ACSM3: variants seen among roughly 807,000 people sequenced by gnomAD.
ACSM3 encodes acyl-CoA synthetase medium chain family member 3.
ACSM3 carries 61 observed loss-of-function variants against 74.1 expected under a neutral mutation model. The observed-to-expected ratio is 0.82, with a 90% CI of 0.67 to 1.02. The LOEUF is 1.02. Ranked by LOEUF, ACSM3 falls within the 50% of genes least tolerant of loss-of-function variation. ACSM3 has a pLI of 0.00. For missense variants in ACSM3, 660 were observed against 697.0 expected, an observed-to-expected ratio of 0.95 and a Z score of 0.60; for synonymous variants, 213 against 241.5, an observed-to-expected ratio of 0.88 and a Z score of 1.09.
intron 1 of ACSM3, among the ~76,000 whole-genome samples, chr16:20,714,612 G>A (rs1003390612): frequency 6.6e-6 from 1 of 152,108 alleles, no homozygotes; most frequent in Non-Finnish European, 1.5e-5. Flanking sequence ...GAGAATATTG[G>A]ATGTGGAAGA....
intron 1 of ACSM3, among the ~76,000 whole-genome samples, chr16:20,695,465 G>A (rs913948409): frequency 4.6e-5 from 7 of 152,170 alleles, no homozygotes; most frequent in African/African-American, 9.7e-5. Context: ...AACTTTTGGA[G>A]TTAAGGTCTA....
intron 2 of ACSM3, among the ~76,000 whole-genome samples, chr16:20,752,115 G>A (rs935894086): frequency 7.9e-5 from 12 of 152,130 alleles, no homozygotes; most frequent in Non-Finnish European, 1.2e-4. Context: ...GTGTGAACCC[G>A]GGAGGCAGAG....
intron 3 of ACSM3, chr16:20,755,650 T>TATA (rs2152437310): frequency 6.7e-6 from 1 of 150,248 alleles, no homozygotes; most frequent in African/African-American, 2.4e-5. Flanking sequence ...TTATTATTAT[T>TATA]ATACTTTAAG....
chr16:20,677,527 C>T (rs900079485), intron 1 of ACSM3, among the ~76,000 whole-genome samples: 3 of 152,206 alleles, frequency 2.0e-5, no homozygotes, highest in Non-Finnish European at 4.4e-5. Flanking sequence ...CTCATCAAGT[C>T]AGTACCAGGA....
At chr16:20,727,387 C>T (rs1267595006) in intron 1 of ACSM3, 1 of 577,388 alleles carries the variant, frequency 1.7e-6, no homozygotes, top group Non-Finnish European at 3.3e-6. Flanking sequence ...GGAGGGGAGG[C>T]CCTCACCCCG....
chr16:20,758,820 G>T (rs1397236219), intron 3 of ACSM3, among the ~76,000 whole-genome samples: 1 of 151,776 alleles, frequency 6.6e-6, no homozygotes, highest in African/African-American at 2.4e-5. Flanking sequence ...AGAGATTCTG[G>T]TATGTTGTGT....
intron 1 of ACSM3, among the ~76,000 whole-genome samples, chr16:20,732,024 G>A (rs1471525049): frequency 6.6e-6 from 1 of 152,128 alleles, no homozygotes. Flanking sequence ...ATGGCCAACT[G>A]CCTTGTTTTT....
intron 1 of ACSM3, among the ~76,000 whole-genome samples, chr16:20,704,154 G>A (rs1279813673): frequency 6.6e-6 from 1 of 152,134 alleles, no homozygotes; most frequent in Non-Finnish European, 1.5e-5. Context: ...CAAAGATGAA[G>A]AAATTGAGAC....
In ACSM3 at chr16:20,775,984, G is replaced by A. The variant is rs567683060; in HGVS notation, c.365G>A (p.Arg122Gln). Residue 122 changes from arginine (R) to glutamine (Q), a missense_variant, in exon 3 of 14, where the codon CGG becomes CAG. Transcript: ENST00000289416. ...SEACSLQRGD[R>Q]VILILPRVPE... Reference sequence around the variant, plus strand: ...GCCTGTTCCCTACAAAGAGGAGATCGGGTAATTCTGATTCTGCCCAGGGTC... The same window carrying A: ...GCCTGTTCCCTACAAAGAGGAGATCAGGTAATTCTGATTCTGCCCAGGGTC... The A allele has an allele frequency of 5.0e-5, 80 of 1,614,142 alleles. No homozygotes were observed. The highest frequency in any genetic ancestry group is 3.4e-4 in the South Asian group (31 of 91,074).
intron 1 of ACSM3, chr16:20,680,838 T>C (rs1378741549): frequency 1.3e-5 from 2 of 152,218 alleles, no homozygotes; most frequent in Non-Finnish European, 2.9e-5. Flanking sequence ...ATTGGATCTG[T>C]GGAGCATGGG....
At chr16:20,676,326 G>A (rs1288823296) in intron 1 of ACSM3, among the ~76,000 whole-genome samples, 3 of 152,136 alleles carry the variant, frequency 2.0e-5, no homozygotes, top group African/African-American at 7.2e-5. Flanking sequence ...GCTAAAGGCT[G>A]GTAAAAGAAA....
upstream of ACSM3, among the ~76,000 whole-genome samples, chr16:20,760,146 G>T (rs1350704297): frequency 6.6e-6 from 1 of 152,092 alleles, no homozygotes; most frequent in Non-Finnish European, 1.5e-5. Context: ...ATTCTAAAAT[G>T]ACTCTAGTAC....
At chr16:20,711,702 T>C (rs974284296) in intron 1 of ACSM3, 1 of 495,586 alleles carries the variant, frequency 2.0e-6, no homozygotes, top group African/African-American at 2.0e-5. Flanking sequence ...TCCCAGCCAA[T>C]CTACGCTGCC....
chr16:20,693,169 CAAAA>C (rs35507753), intron 1 of ACSM3, among the ~76,000 whole-genome samples: 1 of 114,484 alleles, frequency 8.7e-6, no homozygotes. Flanking sequence ...AATTCCGTCT[CAAAA>C]AAAAAAAAAA....
At position 20,797,537 on chromosome 16, in the gene ACSM3, T is replaced by C; in HGVS notation, c.*565T>C. ...ACTATAAAAGAAGGATCATATACTA[T>C]TGTTGCTTATTATATGTAATCTAAT... On this transcript the variant is annotated 3_prime_UTR_variant, in exon 14 of 14. Transcript: ENST00000289416. 4 of 1,211,418 alleles carry C rather than the reference T, an allele frequency of 3.3e-6. No homozygotes were observed. Among genetic ancestry groups the C allele is most frequent in the Non-Finnish European group, 4.1e-6 (4 of 971,926 alleles). 75.0% of individuals were successfully genotyped at this position (1,211,418 alleles called of 1,614,324 possible).
At chr16:20,723,422 C>A (rs1413704128) in intron 1 of ACSM3, among the ~76,000 whole-genome samples, 1 of 152,142 alleles carries the variant, frequency 6.6e-6, no homozygotes, top group East Asian at 1.9e-4. Context: ...CTGGGTCAAA[C>A]AGTATTTCTA....
chr16:20,717,989 AG>A (rs1388539505), intron 1 of ACSM3, among the ~76,000 whole-genome samples: 2 of 142,366 alleles, frequency 1.4e-5, no homozygotes, highest in Non-Finnish European at 3.2e-5. Flanking sequence ...AAGAAGAAGA[AG>A]AAGAAGAAGA....
At chr16:20,733,623 T>C (rs987057240) in intron 1 of ACSM3, 4 of 152,000 alleles carry the variant, frequency 2.6e-5, no homozygotes, top group Non-Finnish European at 4.4e-5. Flanking sequence ...GCAAGAGATT[T>C]ACTAAGAGTC....
At chr16:20,716,485 C>A (rs1304742695) in intron 1 of ACSM3, among the ~76,000 whole-genome samples, 1 of 152,140 alleles carries the variant, frequency 6.6e-6, no homozygotes, top group Non-Finnish European at 1.5e-5. Flanking sequence ...GGGCATAAAA[C>A]CCCTTGTGGC....
Sources: allele counts gnomAD v4.1 joint callset (sites outside exome capture counted in the v4.1 genomes callset), GRCh38; gene constraint gnomAD v4.1.1; transcripts MANE v1.5; gene names NCBI Gene and HGNC (gene_info 2026-07-23, HGNC 2026-07-21).